The following PALLD variants were observed in gnomAD, a reference collection of about 807,000 sequenced individuals.
The protein encoded by PALLD is palladin, cytoskeletal associated protein.
PALLD carries 61 observed loss-of-function variants against 123.5 expected under a neutral mutation model. That is an observed-to-expected ratio of 0.49 (90% CI 0.40 to 0.61). The LOEUF is 0.61. Ranked by LOEUF, PALLD falls within the 20% of genes least tolerant of loss-of-function variation. The pLI is 0.00. For synonymous variants in PALLD, 465 were observed against 496.4 expected, an observed-to-expected ratio of 0.94 and a Z score of 0.84; for missense variants, 1,273 against 1,377.0, an observed-to-expected ratio of 0.92 and a Z score of 1.20.
chr4:168,812,769 C>T (rs1223355640), intron 10 of PALLD, among the ~76,000 whole-genome samples: 1 of 152,144 alleles, frequency 6.6e-6, no homozygotes, highest in East Asian at 1.9e-4. Flanking sequence ...TGTACTCATT[C>T]ATGTGAAGTT....
At chr4:168,699,996 C>A in intron 8 of PALLD, 1 of 247,368 alleles carries the variant, frequency 4.0e-6, no homozygotes, top group Non-Finnish European at 8.2e-6. Flanking sequence ...GATTTCCATT[C>A]CTTACCAAAA....
chr4:168,765,388 G>A (rs892355149), intron 10 of PALLD, among the ~76,000 whole-genome samples: 2 of 152,142 alleles, frequency 1.3e-5, no homozygotes, highest in African/African-American at 4.8e-5. Context: ...GCGTTTTATA[G>A]GGAAAGGGAA....
At chr4:168,667,538 T>C (rs1291515592) in intron 2 of PALLD, among the ~76,000 whole-genome samples, 2 of 152,166 alleles carry the variant, frequency 1.3e-5, no homozygotes, top group Middle Eastern at 3.2e-3. Context: ...TCTGGCAGCC[T>C]GAAATTTCCC....
intron 19 of PALLD, 124 bp downstream of exon 19, chr4:168,924,544 AAATC>A (rs777628970): frequency 9.7e-5 from 97 of 1,002,168 alleles, no homozygotes; most frequent in Admixed American, 2.3e-4. Context: ...ATTTTTGATG[AAATC>A]AATCAAAGAC....
intron 10 of PALLD, among the ~76,000 whole-genome samples, chr4:168,831,425 G>A (rs1447430318): frequency 2.0e-5 from 3 of 152,164 alleles, no homozygotes; most frequent in Admixed American, 6.5e-5. Flanking sequence ...CACCCTAAGG[G>A]CTCCTGAATT....
chr4:168,882,127 A>G (rs1429486438), intron 10 of PALLD, among the ~76,000 whole-genome samples: 2 of 152,266 alleles, frequency 1.3e-5, no homozygotes, highest in Admixed American at 6.5e-5. Context: ...AAAGAAGAGC[A>G]TGTGTCAATA....
intron 10 of PALLD, among the ~76,000 whole-genome samples, chr4:168,788,949 A>G (rs888601168): frequency 2.6e-5 from 4 of 152,166 alleles, no homozygotes; most frequent in African/African-American, 9.7e-5. Flanking sequence ...CCAACTTCAT[A>G]TACTTCTTCC....
chr4:168,727,319 C>T (rs1442329594), intron 10 of PALLD, among the ~76,000 whole-genome samples: 1 of 152,162 alleles, frequency 6.6e-6, no homozygotes, highest in Non-Finnish European at 1.5e-5. Context: ...TTCACAGGGG[C>T]TGAACTAATT....
intron 14 of PALLD, among the ~76,000 whole-genome samples, chr4:168,900,557 G>A (rs1756287697): frequency 6.6e-6 from 1 of 152,148 alleles, no homozygotes; most frequent in African/African-American, 2.4e-5. Context: ...ACACTTTTAG[G>A]TGTTAATTTC....
At chr4:168,543,814 A>G (rs1765878265) in intron 2 of PALLD, among the ~76,000 whole-genome samples, 4 of 152,162 alleles carry the variant, frequency 2.6e-5, no homozygotes, top group African/African-American at 9.7e-5. Flanking sequence ...GTCTTACAAA[A>G]TTTTAGTTCT....
chr4:168,544,011 C>T (rs1260677973), intron 2 of PALLD, among the ~76,000 whole-genome samples: 2 of 152,180 alleles, frequency 1.3e-5, no homozygotes, highest in African/African-American at 4.8e-5. Context: ...TATATTCTTT[C>T]TCCATTTTTA....
chr4:168,518,623 C>T (rs1580091859), intron 2 of PALLD, among the ~76,000 whole-genome samples: 1 of 152,114 alleles, frequency 6.6e-6, no homozygotes, highest in Non-Finnish European at 1.5e-5. Flanking sequence ...ATCCTTGATC[C>T]CCTCCATATC....
chr4:168,747,947 G>A (rs1015563773), intron 10 of PALLD, among the ~76,000 whole-genome samples: 2 of 152,138 alleles, frequency 1.3e-5, no homozygotes, highest in South Asian at 2.1e-4. Flanking sequence ...GGAAAAGTCG[G>A]ATCCTTTTTC....
intron 10 of PALLD, among the ~76,000 whole-genome samples, chr4:168,719,307 G>C (rs7677344): frequency 0.095 from 12,988 of 136,484 alleles, 590 homozygotes; most frequent in South Asian, 0.13. Flanking sequence ...ACCCAGGCTG[G>C]AGTGCAATGA....
At chr4:168,551,731 GC>G in intron 2 of PALLD, among the ~76,000 whole-genome samples, 1 of 151,628 alleles carries the variant, frequency 6.6e-6, no homozygotes, top group South Asian at 2.1e-4. Context: ...TGTATTTAGA[GC>G]AGCTTGTCCA....
intron 1 of PALLD, among the ~76,000 whole-genome samples, chr4:168,508,226 A>C (rs1762194217): frequency 6.6e-6 from 1 of 152,230 alleles, no homozygotes; most frequent in African/African-American, 2.4e-5. Flanking sequence ...AATTGTACGT[A>C]TTGAAACATC....
intron 10 of PALLD, among the ~76,000 whole-genome samples, chr4:168,759,191 AAAAAAAAAAAAATATATATATATAT>A (rs1206734139): frequency 2.4e-4 from 7 of 29,548 alleles, no homozygotes; most frequent in South Asian, 2.4e-3. Flanking sequence ...AAAAAAAAAA[AAAAAAAAAAAAATATATATATATAT>A]ATATATATAT....
chr4:168,774,644 C>A (rs1052715485), intron 10 of PALLD, among the ~76,000 whole-genome samples: 1 of 140,608 alleles, frequency 7.1e-6, no homozygotes, highest in African/African-American at 2.7e-5. Flanking sequence ...ATGAGAATTG[C>A]GTGAACCTGG....
At chr4:168,664,882 A>G (rs1356448555) in intron 2 of PALLD, among the ~76,000 whole-genome samples, 4 of 152,102 alleles carry the variant, frequency 2.6e-5, no homozygotes, top group African/African-American at 9.7e-5. Flanking sequence ...TTGATCTATG[A>G]TTGGAATCAT....
Sources: allele counts gnomAD v4.1 joint callset (sites outside exome capture counted in the v4.1 genomes callset), GRCh38; gene constraint gnomAD v4.1.1; transcripts MANE v1.5; gene names NCBI Gene and HGNC (gene_info 2026-07-23, HGNC 2026-07-21).